Variants in EVC2 observed in about 807,000 individuals in gnomAD.
The protein encoded by EVC2 is EvC ciliary complex subunit 2, also known as limbin.
A neutral mutation model predicts 149.3 loss-of-function variants in EVC2; 148 were observed. The observed-to-expected ratio is 0.99, with a 90% CI of 0.87 to 1.14. EVC2 has a LOEUF of 1.14. Among genes scored for constraint, EVC2 ranks in the 50% most tolerant of loss-of-function variants. The pLI, the probability that EVC2 is intolerant of heterozygous loss-of-function variation, is 0.00. For missense variants in EVC2, 1,854 were observed against 1,627.3 expected, an observed-to-expected ratio of 1.14 and a Z score of -2.40; for synonymous variants, 776 against 649.9, an observed-to-expected ratio of 1.19 and a Z score of -2.95.
intron 13 of EVC2, 76 bp from the exon 14 acceptor site, chr4:5,623,067 C>A: frequency 7.5e-7 from 1 of 1,334,000 alleles, no homozygotes; most frequent in Non-Finnish European, 1.0e-6. Context: ...CACTTTGTTG[C>A]AGGAAGCACA....
intron 16 of EVC2, among the ~76,000 whole-genome samples, chr4:5,591,352 C>G (rs1712776737): frequency 6.6e-6 from 1 of 152,210 alleles, no homozygotes; most frequent in Non-Finnish European, 1.5e-5. Flanking sequence ...AGGTCTCCTT[C>G]CCAAATTTAT....
intron 12 of EVC2, among the ~76,000 whole-genome samples, chr4:5,627,844 A>G (rs1716228767): frequency 6.6e-6 from 1 of 152,118 alleles, no homozygotes; most frequent in African/African-American, 2.4e-5. Flanking sequence ...GCTAGATCTT[A>G]AAGAGAAGTG....
At chr4:5,709,261 A>T (rs147130566), upstream of EVC2, 1 of 82,112 alleles carries the variant, frequency 1.2e-5, no homozygotes. Context: ...CAAGGGACGC[A>T]GGAGGAGGAG....
chr4:5,674,070 T>G (rs945469916), intron 7 of EVC2, among the ~76,000 whole-genome samples: 5 of 148,410 alleles, frequency 3.4e-5, no homozygotes, highest in Non-Finnish European at 6.0e-5. Flanking sequence ...TAAGAATCAT[T>G]TACTTGAAAT....
At chr4:5,601,892 G>C (rs111283141) in intron 16 of EVC2, among the ~76,000 whole-genome samples, 4 of 152,302 alleles carry the variant, frequency 2.6e-5, no homozygotes, top group African/African-American at 9.6e-5. Flanking sequence ...ATCAGAGGCA[G>C]AGAGTGAGAT....
At chr4:5,630,070 T>A (rs564867146) in intron 11 of EVC2, among the ~76,000 whole-genome samples, 2 of 152,356 alleles carry the variant, frequency 1.3e-5, no homozygotes, top group Admixed American at 1.3e-4. Flanking sequence ...AGTAACGCCA[T>A]GGCGTCTGAA....
chr4:5,692,824 G>A (rs1229804079), intron 3 of EVC2, among the ~76,000 whole-genome samples: 5 of 132,782 alleles, frequency 3.8e-5, no homozygotes, highest in East Asian at 2.4e-4. Context: ...CCGAGATTGC[G>A]CCACTGCAGT....
At chr4:5,542,788 T>C (rs184395850) in exon 23 of EVC2, 3 of 207,770 alleles carry the variant, frequency 1.4e-5, no homozygotes, top group Non-Finnish European at 2.9e-5. Context: ...TTGTCAGGAT[T>C]GGCTCCTCCA....
chr4:5,592,884 C>T (rs956757567), intron 16 of EVC2, among the ~76,000 whole-genome samples: 17 of 152,130 alleles, frequency 1.1e-4, no homozygotes, highest in African/African-American at 3.4e-4. Flanking sequence ...GCTGTGTCCC[C>T]ACCCAAATCA....
Position 5,685,398 on chromosome 4 carries a change from G to C in EVC2, c.788C>G (p.Ala263Gly). ...LGNGESLKLP[A>G]QLTFQSSSRN... ...TGACGAGCTCTGAAAGGTGAGTTGG[G>C]CAGGAAGCTTGAGGCTCTCCCCGTT... Residue 263 changes from alanine (A) to glycine (G), a missense_variant, in exon 6 of 22, where the codon GCC becomes GGC. By Grantham distance (60) the Ala-to-Gly change is moderately conservative. Transcript: ENST00000344408. 6.2e-7 allele frequency: 1 copy of C among 1,614,228 alleles called. No homozygotes were observed. The highest frequency in any genetic ancestry group is 1.1e-5 in the South Asian group (1 of 91,084).
chr4:5,549,556 C>T (rs1189954186), intron 21 of EVC2, among the ~76,000 whole-genome samples: 5 of 152,200 alleles, frequency 3.3e-5, no homozygotes, highest in African/African-American at 7.2e-5. Flanking sequence ...CTGATCTTCA[C>T]GATCCGCTTA....
chr4:5,677,373 C>T lies in EVC2; in HGVS notation c.870+3887G>A, dbSNP rs111782414. Among the ~76,000 whole-genome samples, 1 of 152,194 alleles carries T rather than the reference C, an allele frequency of 6.6e-6. No individual in the cohort carries two copies. The highest frequency in any genetic ancestry group is 2.4e-5 in the African/African-American group (1 of 41,454). ...ACCATAGGGCCATCCTGTGCATACACCTCCTCTTCCCACTCAACAGGGAGC... is the reference window on the plus strand; with the variant it reads ...ACCATAGGGCCATCCTGTGCATACATCTCCTCTTCCCACTCAACAGGGAGC... On this transcript the variant is annotated intron_variant, in intron 7 of 21. Coordinates refer to ENST00000344408, the MANE Select transcript of EVC2 (RefSeq NM_147127.5). This position sits in a 1 kb window ranked among gnomAD's most constrained non-coding sequence, Gnocchi z 4.3.
chr4:5,535,635 A>AGAGAGAGAGAGAGAGAGAC, the EVC2 span, among the ~76,000 whole-genome samples: 1 of 87,922 alleles, frequency 1.1e-5, no homozygotes, highest in African/African-American at 4.9e-5. The surrounding 1 kb of genome is among the most constrained non-coding windows in gnomAD (Gnocchi z 4.7). Context: ...GAGAGAGAGA[A>AGAGAGAGAGAGAGAGAGAC]AGAGATAATC....
At chr4:5,703,504 T>C (rs908997947) in intron 1 of EVC2, among the ~76,000 whole-genome samples, 3 of 152,194 alleles carry the variant, frequency 2.0e-5, no homozygotes, top group African/African-American at 7.2e-5. Flanking sequence ...TGTCCACAGC[T>C]AGTAAACAGT....
At chr4:5,685,839 T>G (rs917049000) in intron 5 of EVC2, among the ~76,000 whole-genome samples, 5 of 152,154 alleles carry the variant, frequency 3.3e-5, no homozygotes, top group African/African-American at 1.2e-4. Flanking sequence ...GCTCAGCCCA[T>G]CCTGCTCGGG....
chr4:5,547,414 C>T (rs1307705738), intron 21 of EVC2, among the ~76,000 whole-genome samples: 1 of 152,218 alleles, frequency 6.6e-6, no homozygotes, highest in Non-Finnish European at 1.5e-5. Flanking sequence ...CAGTGAGGCA[C>T]CACCTTCAGG....
At position 5,562,739 on chromosome 4, in the gene EVC2, A is replaced by C; in HGVS notation, c.*109T>G. On this transcript the variant is annotated 3_prime_UTR_variant, in exon 22 of 22. Transcript: ENST00000344408. This position sits in a 1 kb window ranked among gnomAD's most constrained non-coding sequence, Gnocchi z 4.3. ...GCGCTACGGGGTCTGTGCCTTCTGC[A>C]TGTGCAATTTATATTTGCGAGTTGT... The C allele has an allele frequency of 6.3e-7, 1 of 1,595,044 alleles. No homozygotes were observed. Among genetic ancestry groups the C allele is most frequent in the Non-Finnish European group, 8.5e-7 (1 of 1,177,702 alleles).
At chr4:5,559,407 G>T (rs1721896791), downstream of EVC2, among the ~76,000 whole-genome samples, 1 of 152,186 alleles carries the variant, frequency 6.6e-6, no homozygotes, top group Admixed American at 6.5e-5. This position sits in a 1 kb window ranked among gnomAD's most constrained non-coding sequence, Gnocchi z 5.0. Flanking sequence ...TAGAGGCCTA[G>T]AAGTAACAAT....
intron 12 of EVC2, among the ~76,000 whole-genome samples, chr4:5,627,043 G>A (rs1385549613): frequency 6.6e-6 from 1 of 152,148 alleles, no homozygotes; most frequent in Non-Finnish European, 1.5e-5. Flanking sequence ...GCTGGAAACA[G>A]CAAACGATGC....
Sources: allele counts gnomAD v4.1 joint callset (sites outside exome capture counted in the v4.1 genomes callset), GRCh38; gene constraint gnomAD v4.1.1; non-coding constraint Gnocchi (gnomAD v3.1); transcripts MANE v1.5; gene names NCBI Gene and HGNC (gene_info 2026-07-23, HGNC 2026-07-21).